Variants in SCAI observed in about 807,000 individuals in gnomAD.
SCAI encodes suppressor of cancer cell invasion, also known as protein SCAI.
In SCAI, 24 loss-of-function variants were observed where a neutral mutation model predicts 92.2. The ratio of observed to expected loss-of-function variants is 0.26; its 90% CI spans 0.19 to 0.37. SCAI has a LOEUF of 0.37. SCAI is among the 10% of genes least tolerant of loss of function. The probability of loss-of-function intolerance (pLI) is 1.00; values close to 1 mark genes in which losing one functional copy is unlikely to be tolerated. For synonymous variants in SCAI, 261 were observed against 258.6 expected (o/e 1.01, Z -0.09); for missense variants, 450 against 736.2 (o/e 0.61, Z 4.50).
At chr9:125,089,007 G>A (rs1588211177) in intron 2 of SCAI, among the ~76,000 whole-genome samples, 1 of 152,150 alleles carries the variant, frequency 6.6e-6, no homozygotes, top group East Asian at 1.9e-4. Context: ...TGCCAAATGT[G>A]TCTTGGGAGG....
chr9:124,989,386 C>G (rs1441549633), intron 14 of SCAI, among the ~76,000 whole-genome samples: 1 of 152,030 alleles, frequency 6.6e-6, no homozygotes, highest in East Asian at 1.9e-4. Context: ...TCAAGACCAA[C>G]CTGGCCAACA....
At chr9:125,142,765 G>A in intron 1 of SCAI, 88 bp from the exon 2 acceptor site, 1 of 1,142,398 alleles carries the variant, frequency 8.8e-7, no homozygotes, top group Non-Finnish European at 1.3e-6. Context: ...GAACTAAATA[G>A]ACCACCCTCT....
At chr9:124,961,042 T>A (rs1157637454) in intron 17 of SCAI, among the ~76,000 whole-genome samples, 4 of 151,768 alleles carry the variant, frequency 2.6e-5, no homozygotes, top group Non-Finnish European at 5.9e-5. Context: ...GAGGACTGCT[T>A]GAGCCCAGGA....
chr9:125,101,945 ACTT>A (rs1321636715), intron 2 of SCAI, among the ~76,000 whole-genome samples: 1 of 152,190 alleles, frequency 6.6e-6, no homozygotes, highest in African/African-American at 2.4e-5. Context: ...TGTTATGTGA[ACTT>A]CTTAGCTTTT....
chr9:125,043,508 C>T (rs749389454), intron 3 of SCAI, among the ~76,000 whole-genome samples: 9 of 152,126 alleles, frequency 5.9e-5, no homozygotes, highest in African/African-American at 7.2e-5. Context: ...TCCTCCAGGC[C>T]GGTGTGCAAT....
At chr9:125,013,789 T>C (rs1832689513) in intron 9 of SCAI, among the ~76,000 whole-genome samples, 1 of 152,148 alleles carries the variant, frequency 6.6e-6, no homozygotes, top group Non-Finnish European at 1.5e-5. Context: ...AATAAAATAC[T>C]GGCAAACCGA....
chr9:125,036,843 G>A (rs935217647), intron 3 of SCAI, among the ~76,000 whole-genome samples: 2 of 152,194 alleles, frequency 1.3e-5, no homozygotes, highest in Non-Finnish European at 2.9e-5. Flanking sequence ...AAAAGTAGCC[G>A]GGCATGATGG....
intron 6 of SCAI, among the ~76,000 whole-genome samples, chr9:125,022,156 A>T (rs1832881895): frequency 6.6e-6 from 1 of 152,120 alleles, no homozygotes; most frequent in Admixed American, 6.6e-5. Context: ...ATTCCCATGT[A>T]CATCAGATCA....
intron 3 of SCAI, among the ~76,000 whole-genome samples, chr9:125,044,621 C>A (rs144498464): frequency 6.6e-6 from 1 of 152,104 alleles, no homozygotes; most frequent in Non-Finnish European, 1.5e-5. Context: ...TCTTCCTGGG[C>A]GCAGGACAAG....
chr9:125,113,792 G>A (rs200040396), intron 2 of SCAI, among the ~76,000 whole-genome samples: 101 of 150,912 alleles, frequency 6.7e-4, no homozygotes, highest in African/African-American at 2.2e-3. Flanking sequence ...GAGAAACCCC[G>A]TCTCTACTAA....
intron 17 of SCAI, among the ~76,000 whole-genome samples, chr9:124,966,709 CA>C (rs1293418608): frequency 1.3e-5 from 2 of 151,666 alleles, no homozygotes; most frequent in Non-Finnish European, 1.5e-5. Flanking sequence ...CCATCAGACT[CA>C]AAAAATAATT....
intron 2 of SCAI, among the ~76,000 whole-genome samples, chr9:125,123,362 C>CA (rs113727130): frequency 3.6e-4 from 48 of 134,852 alleles, no homozygotes; most frequent in Middle Eastern, 4.0e-3. Flanking sequence ...GACTCCAACT[C>CA]AAAAAAAAAA....
At chr9:125,139,625 G>A (rs75190414) in intron 2 of SCAI, among the ~76,000 whole-genome samples, 2,962 of 152,212 alleles carry the variant, frequency 0.019, 92 homozygotes, top group African/African-American at 0.066. Flanking sequence ...ACCGTGGCTG[G>A]GAAAGTATGA....
chr9:125,113,490 C>G (rs556648768), intron 2 of SCAI, among the ~76,000 whole-genome samples: 15 of 151,574 alleles, frequency 9.9e-5, no homozygotes, highest in Non-Finnish European at 1.6e-4. Flanking sequence ...CTGGGTGCAA[C>G]AGAAAAAGGA....
intron 2 of SCAI, 112 bp downstream of exon 2, chr9:125,142,521 G>A (rs1175974682): frequency 6.5e-6 from 5 of 767,552 alleles, no homozygotes; most frequent in Non-Finnish European, 1.1e-5. Flanking sequence ...TCTTTTAAAA[G>A]GGGGATAAAT....
chr9:125,074,685 A>G (rs1006755404), intron 2 of SCAI, among the ~76,000 whole-genome samples: 1 of 151,906 alleles, frequency 6.6e-6, no homozygotes, highest in Non-Finnish European at 1.5e-5. Context: ...TACAAACCCA[A>G]TAAAATCTAA....
At chr9:125,083,330 C>T (rs1049985776) in intron 2 of SCAI, among the ~76,000 whole-genome samples, 3 of 152,026 alleles carry the variant, frequency 2.0e-5, no homozygotes, top group East Asian at 1.9e-4. Flanking sequence ...CCAGCCTGGT[C>T]AACATGGTGA....
intron 13 of SCAI, among the ~76,000 whole-genome samples, chr9:124,998,444 T>A (rs1321283700): frequency 1.3e-5 from 2 of 151,524 alleles, no homozygotes; most frequent in Non-Finnish European, 2.9e-5. Flanking sequence ...GAGAGCAAGA[T>A]TCCATCTCAA....
At chr9:125,089,658 C>G (rs1009799165) in intron 2 of SCAI, among the ~76,000 whole-genome samples, 2 of 151,856 alleles carry the variant, frequency 1.3e-5, no homozygotes, top group Non-Finnish European at 2.9e-5. Context: ...AGGCAGTAAT[C>G]TAGCTGGGTT....
Sources: gnomAD v4.1 joint callset for allele counts (sites outside exome capture counted in the v4.1 genomes callset) on GRCh38, gnomAD v4.1.1 for gene constraint, MANE v1.5 for transcripts, NCBI Gene and HGNC (gene_info 2026-07-23, HGNC 2026-07-21) for gene names.